Variants in UNC5C observed in about 807,000 individuals in gnomAD.
UNC5C encodes the protein unc-5 netrin receptor C.
In UNC5C, 47 loss-of-function variants were observed where a neutral mutation model predicts 99.8. The ratio of observed to expected loss-of-function variants is 0.47; its 90% CI spans 0.37 to 0.60. UNC5C has a LOEUF of 0.60. Among genes scored for constraint, UNC5C ranks in the 20% least tolerant of loss-of-function variants. The probability of loss-of-function intolerance (pLI) is 0.00; values close to 1 mark genes in which losing one functional copy is unlikely to be tolerated. For missense variants in UNC5C, 1,062 were observed against 1,165.9 expected (o/e 0.91, Z 1.30); for synonymous variants, 487 against 452.2 (o/e 1.08, Z -0.98).
rs774427913 is a variant in UNC5C at position 95,202,901 on chromosome 4, C to T, written c.1966G>A (p.Ala656Thr). Residue 656 changes from alanine (A) to threonine (T), a missense_variant, in exon 12 of 16, where the codon GCC becomes ACC. By Grantham distance (58) the Ala-to-Thr change is moderately conservative. Around this residue, in one of 3 missense-constraint regions of UNC5C, gnomAD observed 810 missense variants for 854.5 expected, o/e 0.95. Coordinates refer to ENST00000453304, the MANE Select transcript of UNC5C (RefSeq NM_003728.4). ...AGGTTCTCTGTGAGGATGTGGCAGGCCTCTGCATCCAGCTGAATGTAGCAG... is the reference window on the plus strand; with the variant it reads ...AGGTTCTCTGTGAGGATGTGGCAGGTCTCTGCATCCAGCTGAATGTAGCAG... ...TPCYIQLDAE[A>T]CHILTENLST... 6.2e-7 allele frequency: 1 copy of T among 1,614,178 alleles called. No homozygotes were observed.
chr4:95,309,327 C>A (rs958889575), intron 2 of UNC5C, among the ~76,000 whole-genome samples: 1 of 151,424 alleles, frequency 6.6e-6, no homozygotes, highest in African/African-American at 2.4e-5. Context: ...ACTGTAAAAC[C>A]GCTAGAAAAA....
chr4:95,351,785 A>G (rs1744000496), intron 1 of UNC5C, among the ~76,000 whole-genome samples: 1 of 152,102 alleles, frequency 6.6e-6, no homozygotes, highest in Non-Finnish European at 1.5e-5. Flanking sequence ...ACATTCCTTC[A>G]CTGAATAATT....
intron 1 of UNC5C, among the ~76,000 whole-genome samples, chr4:95,503,727 A>C (rs1382597557): frequency 6.6e-6 from 1 of 152,144 alleles, no homozygotes; most frequent in African/African-American, 2.4e-5. Flanking sequence ...TTTTACTTGA[A>C]GAATATTCAA....
chr4:95,243,348 T>A (rs1430996958), intron 6 of UNC5C, among the ~76,000 whole-genome samples: 1 of 152,168 alleles, frequency 6.6e-6, no homozygotes, highest in Non-Finnish European at 1.5e-5. Flanking sequence ...TCAAAGATAA[T>A]GAACTTAGAT....
intron 1 of UNC5C, among the ~76,000 whole-genome samples, chr4:95,345,943 A>G (rs1743754305): frequency 6.6e-6 from 1 of 151,958 alleles, no homozygotes. Flanking sequence ...ATCTTAATAA[A>G]CTGGAGAAGC....
chr4:95,176,529 G>T (rs957800885), intron 14 of UNC5C, among the ~76,000 whole-genome samples: 9 of 151,846 alleles, frequency 5.9e-5, no homozygotes, highest in African/African-American at 2.2e-4. Flanking sequence ...GCCCCTGCTG[G>T]GGGGTGCCTC....
intron 10 of UNC5C, among the ~76,000 whole-genome samples, chr4:95,210,669 G>T (rs911207600): frequency 6.6e-6 from 1 of 152,112 alleles, no homozygotes; most frequent in South Asian, 2.1e-4. Context: ...TTTCAGCAAA[G>T]AACAATGATT....
intron 1 of UNC5C, among the ~76,000 whole-genome samples, chr4:95,399,735 C>T (rs1293850200): frequency 1.3e-5 from 2 of 152,200 alleles, no homozygotes; most frequent in Non-Finnish European, 2.9e-5. Flanking sequence ...GCCCTGATCA[C>T]CAACTTCAAA....
At chr4:95,317,265 G>T (rs1383437529) in intron 2 of UNC5C, among the ~76,000 whole-genome samples, 2 of 152,144 alleles carry the variant, frequency 1.3e-5, no homozygotes, top group African/African-American at 4.8e-5. Context: ...GAATCTCAAT[G>T]TGCAGGAAAA....
At chr4:95,469,385 G>C (rs1279644351) in intron 1 of UNC5C, among the ~76,000 whole-genome samples, 1 of 151,954 alleles carries the variant, frequency 6.6e-6, no homozygotes, top group Non-Finnish European at 1.5e-5. Context: ...CTTCCTTTTG[G>C]TTTAGGTTGT....
intron 1 of UNC5C, among the ~76,000 whole-genome samples, chr4:95,417,037 G>C (rs563342732): frequency 6.6e-6 from 1 of 152,160 alleles, no homozygotes; most frequent in African/African-American, 2.4e-5. Flanking sequence ...GGGGAGAAAA[G>C]GGGGCCAAGG....
At chr4:95,489,582 T>C (rs551485042) in intron 1 of UNC5C, among the ~76,000 whole-genome samples, 77 of 151,772 alleles carry the variant, frequency 5.1e-4, no homozygotes, top group Admixed American at 3.4e-3. Flanking sequence ...CAAGAAACAG[T>C]TAGATTACTG....
At chr4:95,317,564 A>G (rs981714116) in intron 2 of UNC5C, among the ~76,000 whole-genome samples, 2 of 152,310 alleles carry the variant, frequency 1.3e-5, no homozygotes, top group South Asian at 4.1e-4. Flanking sequence ...AAACGTGGCA[A>G]TGAGAATGAG....
At chr4:95,188,791 C>T (rs979008694) in intron 12 of UNC5C, among the ~76,000 whole-genome samples, 3 of 152,152 alleles carry the variant, frequency 2.0e-5, no homozygotes, top group Admixed American at 1.3e-4. Context: ...CAGTGAGACA[C>T]GTTAGGCTGC....
At chr4:95,231,721 C>T (rs1360526079) in intron 7 of UNC5C, among the ~76,000 whole-genome samples, 1 of 152,126 alleles carries the variant, frequency 6.6e-6, no homozygotes, top group Non-Finnish European at 1.5e-5. Flanking sequence ...TTAAGGTCAG[C>T]TCTTATCTAG....
intron 1 of UNC5C, among the ~76,000 whole-genome samples, chr4:95,493,292 T>C (rs1721549089): frequency 6.6e-6 from 1 of 151,304 alleles, no homozygotes; most frequent in South Asian, 2.1e-4. Context: ...AATAAGGATA[T>C]AGCTTTGAAT....
chr4:95,452,570 T>A (rs1429866568), intron 1 of UNC5C, among the ~76,000 whole-genome samples: 2 of 152,032 alleles, frequency 1.3e-5, no homozygotes, highest in African/African-American at 4.8e-5. Context: ...AAAGATGAAA[T>A]GAGCAGAAAA....
chr4:95,538,404 T>C (rs1722831677), intron 1 of UNC5C, among the ~76,000 whole-genome samples: 1 of 152,198 alleles, frequency 6.6e-6, no homozygotes, highest in Non-Finnish European at 1.5e-5. Context: ...TTAGTGACTG[T>C]CACTGAATGC....
At chr4:95,397,587 C>T (rs1002353932) in intron 1 of UNC5C, among the ~76,000 whole-genome samples, 1 of 152,150 alleles carries the variant, frequency 6.6e-6, no homozygotes, top group Non-Finnish European at 1.5e-5. Flanking sequence ...AGAAAAAGCA[C>T]ATTGAACAGG....
Sources: allele counts gnomAD v4.1 joint callset (sites outside exome capture counted in the v4.1 genomes callset), GRCh38; gene constraint gnomAD v4.1.1; regional missense constraint gnomAD v4.1.1; transcripts MANE v1.5; gene names NCBI Gene and HGNC (gene_info 2026-07-23, HGNC 2026-07-21).